NUP133: variants seen among roughly 807,000 people sequenced by gnomAD.
NUP133 encodes nucleoporin 133.
NUP133 carries 66 observed loss-of-function variants against 146.2 expected under a neutral mutation model. The observed-to-expected ratio is 0.45, with a 90% CI of 0.37 to 0.55. The LOEUF is 0.55. NUP133 is among the 20% of genes least tolerant of loss of function. The pLI, the probability that NUP133 is intolerant of heterozygous loss-of-function variation, is 0.00. For synonymous variants in NUP133, 521 were observed against 498.8 expected, an observed-to-expected ratio of 1.04 and a Z score of -0.59; for missense variants, 1,277 against 1,374.8, an observed-to-expected ratio of 0.93 and a Z score of 1.12.
chr1:229,499,977 T>C (rs973593533), intron 4 of NUP133, among the ~76,000 whole-genome samples, 159 bp from the exon 5 acceptor site: 3 of 152,256 alleles, frequency 2.0e-5, no homozygotes, highest in African/African-American at 7.2e-5. Context: ...ATTTTTCTAA[T>C]GGCTAATGAT....
intron 15 of NUP133, among the ~76,000 whole-genome samples, chr1:229,467,379 A>G (rs950005415): frequency 6.6e-6 from 1 of 152,204 alleles, no homozygotes; most frequent in Non-Finnish European, 1.5e-5. Context: ...AGCAATGGAC[A>G]CTCAGAGATA....
chr1:229,457,473 A>G (rs941996805), intron 21 of NUP133, among the ~76,000 whole-genome samples: 1 of 152,226 alleles, frequency 6.6e-6, no homozygotes, highest in Admixed American at 6.5e-5. Context: ...TTACTTGCAC[A>G]TAACCCACAT....
intron 5 of NUP133, chr1:229,499,320 A>G: frequency 2.2e-6 from 1 of 462,532 alleles, no homozygotes; most frequent in South Asian, 1.6e-5. Flanking sequence ...ACAAGCTACT[A>G]TCTGAAATTG....
At chr1:229,504,985 C>T (rs1370112878) in intron 2 of NUP133, among the ~76,000 whole-genome samples, 1 of 152,110 alleles carries the variant, frequency 6.6e-6, no homozygotes, top group South Asian at 2.1e-4. Context: ...GCTTTGAATG[C>T]GGTCCAACAC....
At chr1:229,443,905 TTTTTTTTTTTTTTA>T (rs1660243045) in intron 25 of NUP133, among the ~76,000 whole-genome samples, 1 of 138,236 alleles carries the variant, frequency 7.2e-6, no homozygotes, top group African/African-American at 2.9e-5. Context: ...TTTTTTTTTT[TTTTTTTTTTTTTTA>T]AAATAGGGAC....
chr1:229,473,668 A>C (rs1661008638), intron 14 of NUP133, among the ~76,000 whole-genome samples: 1 of 152,198 alleles, frequency 6.6e-6, no homozygotes, highest in African/African-American at 2.4e-5. Flanking sequence ...TCACACCTGT[A>C]ATCGCAGCAC....
intron 8 of NUP133, among the ~76,000 whole-genome samples, chr1:229,495,145 T>C (rs952719072): frequency 2.0e-5 from 3 of 152,078 alleles, no homozygotes; most frequent in African/African-American, 7.2e-5. Context: ...TCGCAATACT[T>C]TGGGATGCTG....
chr1:229,476,899 G>A (rs1319081796), intron 13 of NUP133, among the ~76,000 whole-genome samples: 1 of 148,002 alleles, frequency 6.8e-6, no homozygotes, highest in Non-Finnish European at 1.5e-5. Flanking sequence ...ATTCCAGTCT[G>A]GGTGACAAAG....
In NUP133 at chr1:229,502,049, A is replaced by G. The variant is rs752603659; in HGVS notation, c.355T>C (p.Cys119Arg). 5.9e-5 allele frequency: 95 copies of G among 1,614,070 alleles called. No individual in the cohort carries two copies. The highest frequency in any genetic ancestry group is 7.8e-5 in the Non-Finnish European group (92 of 1,179,954). The change falls in exon 3 of 26, where the codon TGC (cysteine) becomes CGC (arginine). Residue 119 changes from cysteine (C) to arginine (R), a missense_variant. Physicochemically the swap from Cys to Arg is radical, Grantham distance 180. This residue lies in a region of NUP133 where 319 missense variants were observed against 306.9 expected (regional missense o/e 1.04). Transcript: ENST00000261396. ...IDEGGWACLV[C>R]KEKLIIWKIA... ...TTCCAAATAATGAGCTTCTCTTTGCACACCAGACAAGCCCATCCACCTTCA... is the reference window on the plus strand; with the variant it reads ...TTCCAAATAATGAGCTTCTCTTTGCGCACCAGACAAGCCCATCCACCTTCA...
chr1:229,502,787 C>G (rs1661837358), intron 2 of NUP133, among the ~76,000 whole-genome samples: 1 of 145,374 alleles, frequency 6.9e-6, no homozygotes, highest in Non-Finnish European at 1.5e-5. Context: ...CATAGTGAGA[C>G]TCTCTCTCTT....
intron 12 of NUP133, among the ~76,000 whole-genome samples, chr1:229,479,930 C>T (rs1038245902): frequency 6.6e-6 from 1 of 152,128 alleles, no homozygotes; most frequent in Non-Finnish European, 1.5e-5. Context: ...AAAGACTGGT[C>T]TTTTTACAAA....
chr1:229,456,244 C>T (rs765670454), intron 21 of NUP133, among the ~76,000 whole-genome samples: 1 of 152,126 alleles, frequency 6.6e-6, no homozygotes, highest in African/African-American at 2.4e-5. Flanking sequence ...TCCAAAACCA[C>T]GGGAATATCC....
chr1:229,483,423 A>G (rs943556032), intron 12 of NUP133, among the ~76,000 whole-genome samples: 1 of 152,138 alleles, frequency 6.6e-6, no homozygotes, highest in Non-Finnish European at 1.5e-5. Flanking sequence ...TATTACCAAT[A>G]AAACTTTGCA....
intron 24 of NUP133, among the ~76,000 whole-genome samples, chr1:229,446,663 G>C (rs1660309499): frequency 6.6e-6 from 1 of 151,928 alleles, no homozygotes; most frequent in African/African-American, 2.4e-5. Context: ...GAACCCGAGA[G>C]GTGGAGCTTG....
intron 7 of NUP133, 121 bp downstream of exon 7, chr1:229,495,771 A>G: frequency 5.1e-6 from 5 of 972,568 alleles, no homozygotes; most frequent in Non-Finnish European, 7.5e-6. Context: ...TAATCTGATA[A>G]CCATACACTA....
chr1:229,490,213 C>T (rs971818477), intron 8 of NUP133, 111 bp from the exon 9 acceptor site: 2 of 907,218 alleles, frequency 2.2e-6, no homozygotes, highest in Non-Finnish European at 3.1e-6. Flanking sequence ...TCGTGGACAC[C>T]TATCCAAGAG....
chr1:229,443,254 G>A (rs1426898528), intron 25 of NUP133, among the ~76,000 whole-genome samples: 1 of 150,888 alleles, frequency 6.6e-6, no homozygotes, highest in Non-Finnish European at 1.5e-5. Flanking sequence ...GGCCCAGGCT[G>A]GTCTTGAACT....
Position 229,470,771 on chromosome 1 carries a change from C to T in NUP133, c.1885G>A (p.Val629Ile). The T allele has an allele frequency of 6.2e-7, 1 of 1,614,122 alleles. No homozygotes were observed. Residue 629 changes from valine (V) to isoleucine (I), a missense_variant, in exon 15 of 26, where the codon GTT (valine) becomes ATT (isoleucine). This residue lies in a region of NUP133 where 952 missense variants were observed against 1,047.0 expected (regional missense o/e 0.91). Transcript: ENST00000261396. ...CGAGTGGCCATCGGTGTCCCTCTAA[C>T]TGGAAAACTGCCTAGACGTCCAAAT... is the stretch of plus-strand genomic sequence containing the variant. ...GLFGRLGSFP[V>I]RGTPMATRLL...
At chr1:229,461,995 T>C (rs1163812679) in intron 19 of NUP133, among the ~76,000 whole-genome samples, 1 of 152,144 alleles carries the variant, frequency 6.6e-6, no homozygotes, top group Non-Finnish European at 1.5e-5. Flanking sequence ...GGGATTCTCC[T>C]GCCTCAACCT....
Sources: gnomAD v4.1 joint callset for allele counts (sites outside exome capture counted in the v4.1 genomes callset) on GRCh38, gnomAD v4.1.1 for gene constraint, gnomAD v4.1.1 regional missense constraint, MANE v1.5 for transcripts, NCBI Gene and HGNC (gene_info 2026-07-23, HGNC 2026-07-21) for gene names.